NRXN3: variants seen among roughly 807,000 people sequenced by gnomAD.
NRXN3 encodes neurexin 3.
NRXN3 carries 32 observed loss-of-function variants against 137.6 expected under a neutral mutation model. That is an observed-to-expected ratio of 0.23 (90% confidence interval 0.18 to 0.31). The LOEUF (loss-of-function observed/expected upper bound fraction) is 0.31, where lower values mean the gene tolerates loss of function less well. Among genes scored for constraint, NRXN3 ranks in the 10% least tolerant of loss-of-function variants. The pLI, the probability that NRXN3 is intolerant of heterozygous loss-of-function variation, is 1.00. For missense variants in NRXN3, 1,574 were observed against 2,062.5 expected (o/e 0.76, Z 4.59); for synonymous variants, 798 against 784.5 (o/e 1.02, Z -0.29).
chr14:79,768,496 C>T (rs1310687565), intron 19 of NRXN3, among the ~76,000 whole-genome samples: 1 of 152,106 alleles, frequency 6.6e-6, no homozygotes, highest in Non-Finnish European at 1.5e-5. Flanking sequence ...CTGGGAGGCA[C>T]CCCCCAGCAG....
intron 4 of NRXN3, among the ~76,000 whole-genome samples, chr14:78,497,474 G>T (rs1158456597): frequency 6.6e-6 from 1 of 152,052 alleles, no homozygotes; most frequent in African/African-American, 2.4e-5. Flanking sequence ...AAAGAGAGAG[G>T]CTATCACTTG....
At chr14:79,538,694 G>C (rs1467040136) in intron 16 of NRXN3, among the ~76,000 whole-genome samples, 3 of 152,116 alleles carry the variant, frequency 2.0e-5, no homozygotes, top group Non-Finnish European at 4.4e-5. Flanking sequence ...TAGGTTGCCT[G>C]TTCACTGTGA....
chr14:78,766,006 G>C lies in NRXN3; in HGVS notation c.2045-37614G>C, dbSNP rs78185354. Among the ~76,000 whole-genome samples the C allele has an allele frequency of 3.5e-3, 538 of 152,288 alleles. 16 individuals are homozygous for C. In the East Asian group the frequency reaches 0.061, roughly 17 times the overall value. ...GAAATACCTTCAGCTGAAGGAGATG[G>C]TGTTTATGCAGAAGCCCAGCACCTA... On this transcript the variant is annotated intron_variant, in intron 8 of 20. Coordinates refer to ENST00000335750, the MANE Select transcript of NRXN3 (RefSeq NM_001330195.2).
chr14:78,752,132 C>T (rs747775453), intron 8 of NRXN3, among the ~76,000 whole-genome samples: 2 of 152,200 alleles, frequency 1.3e-5, no homozygotes, highest in Admixed American at 6.5e-5. Flanking sequence ...GGGCCAGGCG[C>T]GGTGGCTCAT....
intron 19 of NRXN3, among the ~76,000 whole-genome samples, chr14:79,779,830 A>G (rs186835935): frequency 1.2e-3 from 177 of 152,284 alleles, no homozygotes; most frequent in Admixed American, 2.2e-3. Context: ...ACCATGTTCA[A>G]TGGGCATTCA....
At chr14:78,256,601 C>T (rs2069657492) in intron 2 of NRXN3, among the ~76,000 whole-genome samples, 2 of 152,170 alleles carry the variant, frequency 1.3e-5, no homozygotes, top group Non-Finnish European at 2.9e-5. Flanking sequence ...AGATCAGTGG[C>T]CTCCAAATAG....
At chr14:78,955,289 G>A (rs1340398016) in intron 10 of NRXN3, among the ~76,000 whole-genome samples, 1 of 152,090 alleles carries the variant, frequency 6.6e-6, no homozygotes, top group East Asian at 1.9e-4. Flanking sequence ...CACATGATGT[G>A]GTCCATTTTC....
intron 16 of NRXN3, among the ~76,000 whole-genome samples, chr14:79,489,987 C>T (rs1280940930): frequency 3.6e-5 from 5 of 138,718 alleles, no homozygotes; most frequent in Admixed American, 2.4e-4. Context: ...TGCAGTGAGC[C>T]GAGATCACGC....
intron 4 of NRXN3, among the ~76,000 whole-genome samples, chr14:78,313,235 C>T (rs1053545315): frequency 6.6e-6 from 1 of 152,196 alleles, no homozygotes; most frequent in Non-Finnish European, 1.5e-5. Context: ...TATGCCCTTT[C>T]TGGCCAACCT....
intron 4 of NRXN3, among the ~76,000 whole-genome samples, chr14:78,575,946 G>A (rs1012883414): frequency 6.6e-6 from 1 of 152,154 alleles, no homozygotes; most frequent in African/African-American, 2.4e-5. Context: ...GAAATAAAGT[G>A]GAAGGAAAGC....
chr14:79,289,356 C>T (rs1272800289), intron 15 of NRXN3, among the ~76,000 whole-genome samples: 5 of 152,204 alleles, frequency 3.3e-5, no homozygotes, highest in Non-Finnish European at 7.3e-5. Flanking sequence ...CGCAGTGGCT[C>T]ATGCCTGTAA....
chr14:79,858,879 G>A (rs140677300), intron 20 of NRXN3, among the ~76,000 whole-genome samples: 2 of 151,402 alleles, frequency 1.3e-5, no homozygotes, highest in African/African-American at 4.9e-5. Flanking sequence ...TACCTTTAGG[G>A]AACTGCACTC....
intron 15 of NRXN3, among the ~76,000 whole-genome samples, chr14:79,082,302 A>G (rs1373037148): frequency 6.6e-6 from 1 of 152,086 alleles, no homozygotes; most frequent in Non-Finnish European, 1.5e-5. Context: ...GAAGTAATAT[A>G]TAAAGGAAAG....
intron 14 of NRXN3, chr14:78,972,811 A>T (rs1007557987): frequency 6.6e-6 from 1 of 152,132 alleles, no homozygotes; most frequent in African/African-American, 2.4e-5. Context: ...CTGTAATGTT[A>T]TCCTGGTTTA....
rs1371615425 is a variant in NRXN3, at chr14:79,018,293, AAAAG to A, written c.3262+30154_3262+30157del. ...AAAAAAAAAAAAAAAAAAAAAAAAA[AAAAG>A]AGAGAGAGCAAGAAGAGTGAAAGTT... On this transcript the variant is annotated intron_variant, in intron 15 of 20. Transcript: ENST00000335750. Among the ~76,000 whole-genome samples, 48 of 17,132 alleles carry A rather than the reference AAAAG, an allele frequency of 2.8e-3. 8 individuals are homozygous for A. Among genetic ancestry groups the A allele is most frequent in the Admixed American group, 5.6e-3 (3 of 534 alleles). The allele number at this position is 17,132 out of a possible 152,430, so 11.2% of individuals were successfully genotyped here.
In NRXN3 at chr14:78,742,421, G is replaced by A. The variant is rs150287456; in HGVS notation, c.2044+27282G>A. Among the ~76,000 whole-genome samples, 139 of 152,266 alleles carry A rather than the reference G, an allele frequency of 9.1e-4. No individual in the cohort carries two copies. The East Asian group carries it at 0.025, about 28-fold the overall frequency. On this transcript the variant is annotated intron_variant, in intron 8 of 20. Transcript: ENST00000335750. Reference sequence around the variant, plus strand: ...AATTCTATTAAGAACTATTTCAGAAGCTAGAGAATGTAATGATTATAAATA... The same window carrying A: ...AATTCTATTAAGAACTATTTCAGAAACTAGAGAATGTAATGATTATAAATA...
At chr14:79,484,380 G>A (rs776411758) in intron 16 of NRXN3, among the ~76,000 whole-genome samples, 2 of 152,078 alleles carry the variant, frequency 1.3e-5, no homozygotes, top group Admixed American at 1.3e-4. Flanking sequence ...TTTAGAAAAC[G>A]TGCCCAGCTG....
intron 10 of NRXN3, among the ~76,000 whole-genome samples, chr14:78,929,121 C>T (rs537682726): frequency 2.6e-5 from 4 of 152,174 alleles, no homozygotes; most frequent in African/African-American, 9.6e-5. Context: ...CTGTTCATAT[C>T]CTTCGCCCAC....
intron 10 of NRXN3, among the ~76,000 whole-genome samples, chr14:78,820,425 TAA>T (rs10632138): frequency 4.1e-5 from 5 of 120,968 alleles, no homozygotes; most frequent in South Asian, 2.9e-4. Flanking sequence ...ATGTTATTTC[TAA>T]AAAAAAAAAA....
Sources: gnomAD v4.1 joint callset for allele counts (sites outside exome capture counted in the v4.1 genomes callset) on GRCh38, gnomAD v4.1.1 for gene constraint, MANE v1.5 for transcripts, NCBI Gene and HGNC (gene_info 2026-07-23, HGNC 2026-07-21) for gene names.